Variants in RFXANK observed in about 807,000 individuals in gnomAD.
RFXANK encodes the protein regulatory factor X associated ankyrin containing protein.
RFXANK carries 19 observed loss-of-function variants against 34.5 expected under a neutral mutation model. That is an observed-to-expected ratio of 0.55 (90% confidence interval 0.38 to 0.81). The LOEUF (loss-of-function observed/expected upper bound fraction) is 0.81. Among genes scored for constraint, RFXANK ranks in the 30% least tolerant of loss-of-function variants. The pLI, the probability that RFXANK is intolerant of heterozygous loss-of-function variation, is 0.00. For synonymous variants in RFXANK, 154 were observed against 149.8 expected, an observed-to-expected ratio of 1.03 and a Z score of -0.20; for missense variants, 295 against 343.5, an observed-to-expected ratio of 0.86 and a Z score of 1.12.
At chr19:19,199,589 G>A (rs55840140) in intron 9 of RFXANK, among the ~76,000 whole-genome samples, 4,174 of 152,168 alleles carry the variant, frequency 0.027, 191 homozygotes, top group African/African-American at 0.095. Context: ...GAGAAGTGAG[G>A]TGGGCCCAGC....
chr19:19,192,343 A>G lies in RFXANK; in HGVS notation c.-361A>G. 1 of 602,146 alleles carries G rather than the reference A, an allele frequency of 1.7e-6. No individual in the cohort carries two copies. Among genetic ancestry groups the G allele is most frequent in the South Asian group, 2.0e-5 (1 of 49,656 alleles). 37.3% of individuals were successfully genotyped at this position (602,146 alleles called of 1,614,324 possible). A position where few individuals can be genotyped will look rare whatever the true frequency, so the allele number is the denominator to read the frequency against. ...GCAGTGAGGAGGGGGCGCGACGGCC[A>G]GGAGGCTGGTGGAGCGACACCCAGG... On this transcript the variant is annotated 5_prime_UTR_variant, in exon 1 of 10. Coordinates refer to ENST00000303088, the MANE Select transcript of RFXANK (RefSeq NM_003721.4).
rs775653093 is a variant in RFXANK, at chr19:19,197,201, A to G, written c.287A>G (p.Gln96Arg). 2.5e-6 allele frequency: 4 copies of G among 1,613,878 alleles called. No homozygotes were observed. The highest frequency in any genetic ancestry group is 3.3e-5 in the Admixed American group (2 of 60,016). ...CCTGCCCCAGCCCTGTCCATCCACC[A>G]GCTCGCAGCACAGGGGGAGCTGGAC... is the stretch of plus-strand genomic sequence containing the variant. Reference protein sequence around the residue: ...PATLDSLSIHQLAAQGELDQL... With the variant: ...PATLDSLSIHRLAAQGELDQL... Residue 96 changes from glutamine to arginine, a missense_variant, in exon 5 of 10, where the codon CAG becomes CGG. Transcript: ENST00000303088.
At chr19:19,201,046 G>T (rs1235110608) in intron 9 of RFXANK, among the ~76,000 whole-genome samples, 1 of 151,988 alleles carries the variant, frequency 6.6e-6, no homozygotes, top group Non-Finnish European at 1.5e-5. Flanking sequence ...TGATCCACCC[G>T]CCTCAGCTTC....
At position 19,198,335 on chromosome 19, in the gene RFXANK, G is replaced by A. The variant is rs140231525; in HGVS notation, c.564+103G>A. Reference sequence around the variant, plus strand: ...AAGGTGCAGGCCTGCTCTAGGTGCCGAGAACACGAGACAGCCCCATTCCCA... The same window carrying A: ...AAGGTGCAGGCCTGCTCTAGGTGCCAAGAACACGAGACAGCCCCATTCCCA... On this transcript the variant is annotated intron_variant, in intron 7 of 9. Coordinates refer to ENST00000303088, the MANE Select transcript of RFXANK (RefSeq NM_003721.4). 3,433 of 1,519,358 alleles carry A rather than the reference G, an allele frequency of 2.3e-3. 13 individuals carry two copies. Among genetic ancestry groups the A allele is most frequent in the Middle Eastern group, 8.1e-3 (47 of 5,832 alleles). The allele number at this position is 1,519,358 out of a possible 1,614,324, so 94.1% of individuals were successfully genotyped here.
chr19:19,198,652 G>A lies in RFXANK; in HGVS notation c.565-5G>A, dbSNP rs2060643155. 4.3e-6 allele frequency: 7 copies of A among 1,613,240 alleles called. No individual in the cohort carries two copies. Among genetic ancestry groups the A allele is most frequent in the Middle Eastern group, 1.6e-4 (1 of 6,084 alleles). ...TTTGGTTTCTCCTGCCCCTACCCAC[G>A]ACAGAATGGAGGGACGCCACTGCTG... is the stretch of plus-strand genomic sequence containing the variant. On this transcript the variant is annotated splice_polypyrimidine_tract_variant and splice_region_variant and intron_variant, in intron 7 of 9. Coordinates refer to ENST00000303088, the MANE Select transcript of RFXANK (RefSeq NM_003721.4).
At chr19:19,196,627 G>A (rs1349635612) in intron 3 of RFXANK, among the ~76,000 whole-genome samples, 1 of 152,086 alleles carries the variant, frequency 6.6e-6, no homozygotes, top group Non-Finnish European at 1.5e-5. Flanking sequence ...CACTTTGGGA[G>A]GCTGAGGCAG....
intron 3 of RFXANK, among the ~76,000 whole-genome samples, chr19:19,194,758 C>G: frequency 6.6e-6 from 1 of 151,350 alleles, no homozygotes; most frequent in East Asian, 1.9e-4. Context: ...GCCTCCACTT[C>G]CGAAAGTGCT....
chr19:19,200,699 C>G (rs1185179162), intron 9 of RFXANK: 1 of 153,066 alleles, frequency 6.5e-6, no homozygotes, highest in Non-Finnish European at 1.5e-5. Context: ...TCTCGGCTCA[C>G]TGCAACCTCT....
rs1425735869 is a variant in RFXANK, at chr19:19,194,150, G to A, written c.187+17G>A. On this transcript the variant is annotated intron_variant, in intron 3 of 9. Transcript: ENST00000303088. The stretch of plus-strand genomic sequence containing the variant: ...CTCCACAGGGTAGGATACCTCCTCT[G>A]GGATTAGCCCTCTGGGATTCCATGA... 2 of 1,612,978 alleles carry A rather than the reference G, an allele frequency of 1.2e-6. No individual in the cohort carries two copies. Among genetic ancestry groups the A allele is most frequent in the Admixed American group, 1.7e-5 (1 of 60,014 alleles).
intron 3 of RFXANK, among the ~76,000 whole-genome samples, chr19:19,194,428 G>C (rs1354319794): frequency 3.3e-5 from 5 of 152,140 alleles, no homozygotes; most frequent in Non-Finnish European, 7.3e-5. Context: ...TAGAGACGGG[G>C]TTTCACCATG....
At position 19,196,985 on chromosome 19, in the gene RFXANK, C is replaced by T; in HGVS notation, c.210C>T (p.Ser70=). 1 of 1,612,884 alleles carries T rather than the reference C, an allele frequency of 6.2e-7. No homozygotes were observed. Among genetic ancestry groups the T allele is most frequent in the Non-Finnish European group, 8.5e-7 (1 of 1,179,980 alleles). Residue 70 remains serine, a synonymous_variant, in exon 4 of 10, where the codon TCC becomes TCT. Coordinates refer to ENST00000303088, the MANE Select transcript of RFXANK (RefSeq NM_003721.4). The part of the protein sequence containing the change: ...SPQAGSSLKH[S]TTLTNRQRGN... ...CAGCAGGCAGCTCCCTGAAGCACTC[C>T]ACCACTCTCACCAACCGGCAGCGAG...
At chr19:19,200,508 C>T (rs896530662) in intron 9 of RFXANK, among the ~76,000 whole-genome samples, 10 of 151,568 alleles carry the variant, frequency 6.6e-5, no homozygotes, top group African/African-American at 1.7e-4. Flanking sequence ...GACAGGGTCT[C>T]GCTATGTTGC....
chr19:19,198,130 A>G lies in RFXANK; in HGVS notation c.462A>G (p.Ala154=), dbSNP rs759936514. ...AGGGTGCCGACCCCCACATCCTGGC[A>G]AAAGAGCGAGAGAGCGCCCTGTCGC... ...LEWGADPHIL[A]KERESALSLA... The change falls in exon 7 of 10, where the codon GCA becomes GCG. Residue 154 remains alanine, a synonymous_variant. Coordinates refer to ENST00000303088, the MANE Select transcript of RFXANK (RefSeq NM_003721.4). 6 of 1,614,010 alleles carry G rather than the reference A, an allele frequency of 3.7e-6. No homozygotes were observed. Among genetic ancestry groups the G allele is most frequent in the Non-Finnish European group, 5.1e-6 (6 of 1,179,988 alleles).
intron 6 of RFXANK, 82 bp from the exon 7 acceptor site, chr19:19,198,025 A>C: frequency 3.2e-6 from 5 of 1,560,760 alleles, no homozygotes; most frequent in Non-Finnish European, 3.5e-6. Context: ...AAAAAAAAAA[A>C]AAGATGCGGC....
In RFXANK at chr19:19,197,580, G is replaced by A. The variant is rs756530632; in HGVS notation, c.397G>A (p.Ala133Thr). The change falls in exon 6 of 10, where the codon GCC (alanine) becomes ACC (threonine). Residue 133 changes from alanine (A) to threonine (T), a missense_variant. Transcript: ENST00000303088. ...CTTCACCCCCCTCATCTGGGCCTCC[G>A]CCTTTGGAGAGATTGAGACCGTTCG... ...RGFTPLIWAS[A>T]FGEIETVRFL... 9.3e-6 allele frequency: 15 copies of A among 1,613,858 alleles called. No individual in the cohort carries two copies. In the East Asian group the frequency reaches 2.2e-4, roughly 24 times the overall value.
chr19:19,193,380 C>G (rs914014479), intron 2 of RFXANK, among the ~76,000 whole-genome samples: 1 of 150,354 alleles, frequency 6.7e-6, no homozygotes, highest in African/African-American at 2.5e-5. Flanking sequence ...ACCCAGACAG[C>G]TGACCCCAGA....
At chr19:19,194,257 A>G in intron 3 of RFXANK, 124 bp downstream of exon 3, 1 of 1,105,578 alleles carries the variant, frequency 9.0e-7, no homozygotes, top group South Asian at 1.3e-5. Context: ...TTTGAGATGG[A>G]GTTTTGCTCT....
intron 3 of RFXANK, among the ~76,000 whole-genome samples, chr19:19,196,672 C>A (rs903082940): frequency 4.6e-5 from 7 of 152,134 alleles, no homozygotes; most frequent in Admixed American, 2.6e-4. Context: ...TGAAATTAGC[C>A]TGGCCAACAT....
At chr19:19,198,263 A>G in intron 7 of RFXANK, 31 bp downstream of exon 7, 2 of 1,613,744 alleles carry the variant, frequency 1.2e-6, no homozygotes, top group Non-Finnish European at 8.5e-7. Context: ...AGGACCTCTC[A>G]GCCTCCTGGC....
Sources: gnomAD v4.1 joint callset for allele counts (sites outside exome capture counted in the v4.1 genomes callset) on GRCh38, gnomAD v4.1.1 for gene constraint, MANE v1.5 for transcripts, NCBI Gene and HGNC (gene_info 2026-07-23, HGNC 2026-07-21) for gene names.